Variants in CCDC73 observed in about 807,000 individuals in gnomAD.
CCDC73 encodes the protein coiled-coil domain containing 73.
A neutral mutation model predicts 116.5 loss-of-function variants in CCDC73; 95 were observed. That is an observed-to-expected ratio of 0.82 (90% confidence interval 0.69 to 0.97). CCDC73 has a LOEUF of 0.97. CCDC73 is among the 50% of genes least tolerant of loss of function. CCDC73 has a pLI of 0.00. For synonymous variants in CCDC73, 398 were observed against 401.3 expected, an observed-to-expected ratio of 0.99 and a Z score of 0.10; for missense variants, 1,066 against 1,206.8, an observed-to-expected ratio of 0.88 and a Z score of 1.73.
chr11:32,661,524 C>T (rs1855926283), intron 9 of CCDC73, among the ~76,000 whole-genome samples: 1 of 143,398 alleles, frequency 7.0e-6, no homozygotes, highest in Non-Finnish European at 1.5e-5. Context: ...TTGTTCAATT[C>T]CCACCTGAGA....
chr11:32,616,222 T>A, intron 14 of CCDC73, 93 bp from the exon 15 acceptor site: 1 of 1,248,332 alleles, frequency 8.0e-7, no homozygotes, highest in East Asian at 2.7e-5. Context: ...TGTGTTTCAG[T>A]TCAACCATTC....
At chr11:32,705,251 G>A (rs1367440030) in intron 3 of CCDC73, among the ~76,000 whole-genome samples, 1 of 152,226 alleles carries the variant, frequency 6.6e-6, no homozygotes, top group Non-Finnish European at 1.5e-5. Flanking sequence ...CAGGTGACTA[G>A]AGGAAGAGAA....
chr11:32,680,973 A>G (rs1332772078), intron 7 of CCDC73: 1 of 152,006 alleles, frequency 6.6e-6, no homozygotes, highest in Non-Finnish European at 1.5e-5. Context: ...TGCTGCTAAT[A>G]TATGTGTGTA....
At chr11:32,610,914 C>T (rs530118503) in intron 17 of CCDC73, among the ~76,000 whole-genome samples, 1 of 152,316 alleles carries the variant, frequency 6.6e-6, no homozygotes, top group South Asian at 2.1e-4. Context: ...CACTCTCCTT[C>T]CCCAAACAGG....
intron 2 of CCDC73, among the ~76,000 whole-genome samples, chr11:32,719,802 T>TA (rs920421564): frequency 1.3e-5 from 2 of 152,070 alleles, no homozygotes; most frequent in African/African-American, 4.8e-5. Flanking sequence ...TTTGACAACT[T>TA]AGAGAAATTG....
Position 32,624,176 on chromosome 11 carries a change from C to CA in CCDC73, c.1186-8048dup, listed in dbSNP as rs35801105. On this transcript the variant is annotated intron_variant, in intron 14 of 17. Coordinates refer to ENST00000335185, the MANE Select transcript of CCDC73 (RefSeq NM_001008391.4). ...GTGAAACCCCATATCTACTAAAATA[C>CA]AAAAAAAAAAAAAATTAACCAGGTG... 2.6e-3 allele frequency among the ~76,000 whole-genome samples: 362 copies of CA among 141,238 alleles called. 2 individuals are homozygous for CA. The highest frequency in any genetic ancestry group is 3.7e-3 in the Middle Eastern group (1 of 272). The allele number at this position is 141,238 out of a possible 152,430, so 92.7% of individuals were successfully genotyped here.
intron 1 of CCDC73, among the ~76,000 whole-genome samples, chr11:32,792,870 T>C (rs1393071593): frequency 2.6e-5 from 4 of 152,214 alleles, no homozygotes; most frequent in Non-Finnish European, 5.9e-5. Flanking sequence ...AGGAGAATAC[T>C]GGGAATACCT....
intron 3 of CCDC73, among the ~76,000 whole-genome samples, chr11:32,711,808 G>A (rs555854161): frequency 3.7e-4 from 56 of 152,218 alleles, no homozygotes; most frequent in Admixed American, 1.4e-3. Flanking sequence ...TGGGTCTTCC[G>A]ATTGTCATAA....
intron 9 of CCDC73, among the ~76,000 whole-genome samples, chr11:32,675,043 C>T (rs1856073464): frequency 6.6e-6 from 1 of 152,136 alleles, no homozygotes; most frequent in South Asian, 2.1e-4. Context: ...CCTCCTTCAC[C>T]CTCTTACCCC....
chr11:32,686,162 G>A (rs1199305798), intron 6 of CCDC73, among the ~76,000 whole-genome samples: 1 of 120,304 alleles, frequency 8.3e-6, no homozygotes, highest in Admixed American at 1.1e-4. Context: ...GTTAGTAGTG[G>A]ATGAAATAAG....
At chr11:32,758,017 C>G (rs148957069) in intron 2 of CCDC73, among the ~76,000 whole-genome samples, 3 of 152,118 alleles carry the variant, frequency 2.0e-5, no homozygotes, top group Admixed American at 6.6e-5. Context: ...TCAAGTATTA[C>G]GTATGTTTGA....
the CCDC73 span, among the ~76,000 whole-genome samples, chr11:32,826,923 G>A: frequency 1.3e-5 from 2 of 152,190 alleles, no homozygotes; most frequent in Non-Finnish European, 2.9e-5. Flanking sequence ...GGGCAATGGC[G>A]CGATCTCGGC....
chr11:32,665,229 T>G (rs1590579178), intron 9 of CCDC73, among the ~76,000 whole-genome samples: 1 of 152,136 alleles, frequency 6.6e-6, no homozygotes, highest in Admixed American at 6.5e-5. Context: ...CTTTCTGTTT[T>G]GTTGATCTGT....
intron 1 of CCDC73, among the ~76,000 whole-genome samples, chr11:32,770,737 C>T (rs1850486818): frequency 6.6e-6 from 1 of 152,152 alleles, no homozygotes; most frequent in Non-Finnish European, 1.5e-5. Context: ...AGGCAGAATA[C>T]TGGAAGTGTA....
At chr11:32,625,600 T>C (rs1855563288) in intron 14 of CCDC73, among the ~76,000 whole-genome samples, 1 of 152,190 alleles carries the variant, frequency 6.6e-6, no homozygotes, top group South Asian at 2.1e-4. Context: ...GAATGTTGAA[T>C]ATTGGCCCCC....
chr11:32,730,346 T>C (rs1021439014), intron 2 of CCDC73, among the ~76,000 whole-genome samples: 2 of 152,242 alleles, frequency 1.3e-5, no homozygotes, highest in African/African-American at 2.4e-5. Context: ...CATTATAATA[T>C]ATAGCCTCTT....
the CCDC73 span, among the ~76,000 whole-genome samples, chr11:32,825,697 A>C: frequency 6.6e-6 from 1 of 152,220 alleles, no homozygotes; most frequent in Non-Finnish European, 1.5e-5. Context: ...TGGAAAGTAT[A>C]GTTTTGCAAC....
intron 6 of CCDC73, among the ~76,000 whole-genome samples, chr11:32,688,104 G>A (rs1246304168): frequency 1.3e-5 from 2 of 152,104 alleles, no homozygotes; most frequent in Non-Finnish European, 2.9e-5. Flanking sequence ...TAGTTTCAAA[G>A]TTCTCTTCAC....
chr11:32,792,055 G>T (rs1029725318), intron 1 of CCDC73, among the ~76,000 whole-genome samples: 1 of 151,266 alleles, frequency 6.6e-6, no homozygotes, highest in African/African-American at 2.4e-5. Flanking sequence ...CTGTTACCAG[G>T]ACTGATAAAA....
Sources: gnomAD v4.1 joint callset for allele counts (sites outside exome capture counted in the v4.1 genomes callset) on GRCh38, gnomAD v4.1.1 for gene constraint, MANE v1.5 for transcripts, NCBI Gene and HGNC (gene_info 2026-07-23, HGNC 2026-07-21) for gene names.